PARN: variants seen among roughly 807,000 people sequenced by gnomAD.
PARN encodes the protein poly(A)-specific ribonuclease PARN.
In PARN, 71 loss-of-function variants were observed where a neutral mutation model predicts 102.8. The ratio of observed to expected loss-of-function variants is 0.69; its 90% CI spans 0.57 to 0.84. The LOEUF is 0.84. Among genes scored for constraint, PARN ranks in the 40% least tolerant of loss-of-function variants. PARN has a pLI of 0.00. For synonymous variants in PARN, 261 were observed against 252.9 expected, an observed-to-expected ratio of 1.03 and a Z score of -0.30; for missense variants, 782 against 760.9, an observed-to-expected ratio of 1.03 and a Z score of -0.33.
intron 23 of PARN, among the ~76,000 whole-genome samples, chr16:14,437,451 G>T (rs1166862245): frequency 6.6e-6 from 1 of 152,202 alleles, no homozygotes; most frequent in Non-Finnish European, 1.5e-5. Flanking sequence ...GCTGGCTGGG[G>T]TCCTCTTCTT....
chr16:14,602,834 C>A (rs929368919), intron 11 of PARN, among the ~76,000 whole-genome samples: 1 of 152,076 alleles, frequency 6.6e-6, no homozygotes. Context: ...CAGAAGAGAG[C>A]TGCAGAGTAT....
intron 18 of PARN, among the ~76,000 whole-genome samples, chr16:14,580,114 GGCGC>G (rs1969426452): frequency 6.6e-6 from 1 of 152,084 alleles, no homozygotes; most frequent in African/African-American, 2.4e-5. Context: ...GTTTTCTACA[GGCGC>G]CCGCCACCGT....
At chr16:14,472,040 A>T (rs962525253) in intron 22 of PARN, among the ~76,000 whole-genome samples, 5 of 152,180 alleles carry the variant, frequency 3.3e-5, no homozygotes, top group African/African-American at 1.2e-4. Context: ...CAAAGAAAGC[A>T]ACCGTGTCCT....
At chr16:14,577,154 T>C (rs1969194356) in intron 18 of PARN, among the ~76,000 whole-genome samples, 1 of 152,238 alleles carries the variant, frequency 6.6e-6, no homozygotes. Flanking sequence ...TATGCATGTT[T>C]GGTAAAGGTT....
At chr16:14,562,962 G>A (rs538501957) in intron 18 of PARN, among the ~76,000 whole-genome samples, 61 of 152,268 alleles carry the variant, frequency 4.0e-4, no homozygotes, top group Non-Finnish European at 7.5e-4. Context: ...CTAGTAGTCC[G>A]GTGAATATTA....
chr16:14,561,569 C>T (rs918879720), intron 18 of PARN, among the ~76,000 whole-genome samples: 3 of 152,130 alleles, frequency 2.0e-5, no homozygotes, highest in African/African-American at 7.2e-5. Context: ...CCCACTGCTT[C>T]GGGAGGCAGA....
intron 11 of PARN, among the ~76,000 whole-genome samples, chr16:14,602,785 G>A (rs1362096838): frequency 6.6e-6 from 1 of 152,138 alleles, no homozygotes; most frequent in African/African-American, 2.4e-5. Context: ...ATTGCCTCCT[G>A]GGTTCTGAGG....
rs1965392554 is a variant in PARN, at chr16:14,514,999, T to C, written c.1481-32172A>G. On this transcript the variant is annotated intron_variant, in intron 21 of 23. Coordinates refer to ENST00000437198, the MANE Select transcript of PARN (RefSeq NM_002582.4). The stretch of plus-strand genomic sequence containing the variant: ...CTTCTCTGTGGGGAGTAACACAGTA[T>C]GTGGCCCAAAGAACAAACATCTTTA... Among the ~76,000 whole-genome samples, 3 of 152,356 alleles carry C rather than the reference T, an allele frequency of 2.0e-5. 1 individual carries two copies. In the South Asian group the frequency reaches 6.2e-4, roughly 32 times the overall value.
rs138519858 is a variant in PARN at position 14,578,203 on chromosome 16, C to T, written c.1262+2671G>A. Among the ~76,000 whole-genome samples the T allele has an allele frequency of 3.3e-3, 501 of 149,712 alleles. 3 individuals carry two copies. Among genetic ancestry groups the T allele is most frequent in the East Asian group, 0.015 (75 of 4,940 alleles). Reference sequence around the variant, plus strand: ...AATTAGCAGGGCGTGGTGGTACGAGCCTGTAGTCCCAGCTACTCAGGAGGC... The same window carrying T: ...AATTAGCAGGGCGTGGTGGTACGAGTCTGTAGTCCCAGCTACTCAGGAGGC... On this transcript the variant is annotated intron_variant, in intron 18 of 23. Coordinates refer to ENST00000437198, the MANE Select transcript of PARN (RefSeq NM_002582.4).
intron 21 of PARN, among the ~76,000 whole-genome samples, chr16:14,514,765 C>T (rs143897438): frequency 2.6e-5 from 4 of 152,292 alleles, no homozygotes; most frequent in South Asian, 2.1e-4. Flanking sequence ...CCCTGTAGCA[C>T]GTGGCCAGCT....
chr16:14,534,220 A>AG (rs1966508401), intron 21 of PARN, among the ~76,000 whole-genome samples: 1 of 147,654 alleles, frequency 6.8e-6, no homozygotes, highest in Non-Finnish European at 1.5e-5. Context: ...ACCCTGTCTC[A>AG]GAAAAAAAAA....
intron 6 of PARN, among the ~76,000 whole-genome samples, chr16:14,614,417 A>C (rs1971731974): frequency 6.6e-6 from 1 of 152,224 alleles, no homozygotes; most frequent in South Asian, 2.1e-4. Context: ...TGAGGATACT[A>C]AAGTCACCCA....
chr16:14,477,549 G>A (rs544145854), intron 22 of PARN, among the ~76,000 whole-genome samples: 5 of 151,278 alleles, frequency 3.3e-5, no homozygotes, highest in African/African-American at 9.7e-5. Context: ...AGGCCAAGGC[G>A]GGTGGATCAC....
At chr16:14,442,555 A>G (rs1414545450) in intron 23 of PARN, among the ~76,000 whole-genome samples, 4 of 152,184 alleles carry the variant, frequency 2.6e-5, no homozygotes, top group Non-Finnish European at 4.4e-5. Flanking sequence ...CATAAACTAG[A>G]AGCCCTGAAG....
chr16:14,481,800 A>AT (rs1157763235), intron 22 of PARN, among the ~76,000 whole-genome samples: 20 of 152,138 alleles, frequency 1.3e-4, no homozygotes, highest in African/African-American at 4.3e-4. Flanking sequence ...GTATGTACAC[A>AT]TTTTTCCCAT....
chr16:14,607,864 T>C (rs566492232), intron 9 of PARN, among the ~76,000 whole-genome samples: 2 of 152,142 alleles, frequency 1.3e-5, no homozygotes, highest in South Asian at 2.1e-4. Context: ...CTTGGAAAAA[T>C]ACACACACAA....
intron 21 of PARN, among the ~76,000 whole-genome samples, chr16:14,529,375 G>A (rs1278956559): frequency 1.3e-5 from 2 of 152,224 alleles, no homozygotes; most frequent in African/African-American, 2.4e-5. Context: ...TTGTAAGCCA[G>A]ATGGATGGCA....
chr16:14,475,833 C>T (rs1331021625), intron 22 of PARN, among the ~76,000 whole-genome samples: 1 of 152,178 alleles, frequency 6.6e-6, no homozygotes, highest in Non-Finnish European at 1.5e-5. Flanking sequence ...TTCCCCCATA[C>T]TTTAATCCCT....
intron 21 of PARN, among the ~76,000 whole-genome samples, chr16:14,515,413 A>G (rs1160298480): frequency 6.6e-6 from 1 of 152,180 alleles, no homozygotes; most frequent in East Asian, 1.9e-4. Flanking sequence ...AGATGGAAAT[A>G]TTTTATTGTC....
Sources: gnomAD v4.1 joint callset for allele counts (sites outside exome capture counted in the v4.1 genomes callset) on GRCh38, gnomAD v4.1.1 for gene constraint, MANE v1.5 for transcripts, NCBI Gene and HGNC (gene_info 2026-07-23, HGNC 2026-07-21) for gene names.